The following IL34 variants were observed in gnomAD, a reference collection of about 807,000 sequenced individuals.
IL34 encodes the protein interleukin 34, also known as interleukin-34.
Under a neutral mutation model 25.3 loss-of-function variants are expected in IL34, and 17 were observed. The observed-to-expected ratio is 0.67, with a 90% CI of 0.46 to 1.01. The LOEUF is 1.01. Among genes scored for constraint, IL34 ranks in the 50% least tolerant of loss-of-function variants. The pLI, the probability that IL34 is intolerant of heterozygous loss-of-function variation, is 0.00. For synonymous variants in IL34, 174 were observed against 140.9 expected, an observed-to-expected ratio of 1.23 and a Z score of -1.66; for missense variants, 368 against 312.9, an observed-to-expected ratio of 1.18 and a Z score of -1.33.
chr16:70,591,673 T>C (rs3852698), intron 1 of IL34, among the ~76,000 whole-genome samples: 4,822 of 152,126 alleles, frequency 0.032, 293 homozygotes, highest in African/African-American at 0.11. Context: ...AGCTGTCATT[T>C]ACCTCTGTGC....
At chr16:70,604,422 T>A (rs1004482324) in intron 1 of IL34, among the ~76,000 whole-genome samples, 10 of 152,154 alleles carry the variant, frequency 6.6e-5, no homozygotes, top group African/African-American at 2.4e-4. Flanking sequence ...AAGTGAGGCC[T>A]GGAGTAAGGA....
intron 1 of IL34, among the ~76,000 whole-genome samples, chr16:70,621,835 G>GT: frequency 6.6e-6 from 1 of 151,930 alleles, no homozygotes; most frequent in Non-Finnish European, 1.5e-5. Context: ...CAGTGGGGGT[G>GT]TTTTTGAGCC....
upstream of IL34, among the ~76,000 whole-genome samples, chr16:70,646,277 A>G (rs1375657774): frequency 6.6e-6 from 1 of 152,062 alleles, no homozygotes; most frequent in Non-Finnish European, 1.5e-5. Flanking sequence ...CATGGACTCT[A>G]CCATGGCTCT....
At chr16:70,655,977 G>C (rs78409939) in intron 2 of IL34, among the ~76,000 whole-genome samples, 3,778 of 152,260 alleles carry the variant, frequency 0.025, 153 homozygotes, top group African/African-American at 0.087. Context: ...AGAGTTTTTA[G>C]TTCACAGAGT....
intron 1 of IL34, among the ~76,000 whole-genome samples, chr16:70,636,790 CAAAA>C (rs1415517886): frequency 6.6e-6 from 1 of 150,424 alleles, no homozygotes. Flanking sequence ...CAAAACAAAA[CAAAA>C]AACAAAACAA....
intron 1 of IL34, among the ~76,000 whole-genome samples, chr16:70,597,015 C>A (rs945909756): frequency 6.6e-6 from 1 of 152,164 alleles, no homozygotes; most frequent in African/African-American, 2.4e-5. Context: ...CCGTCCCCAG[C>A]TCAACCTGTT....
chr16:70,620,315 A>C (rs2151836386), intron 1 of IL34, among the ~76,000 whole-genome samples: 1 of 152,278 alleles, frequency 6.6e-6, no homozygotes. Context: ...TTTGGGATAA[A>C]GAAAAAGGAG....
chr16:70,639,177 G>T (rs1336731118), intron 1 of IL34, among the ~76,000 whole-genome samples: 1 of 152,186 alleles, frequency 6.6e-6, no homozygotes, highest in Non-Finnish European at 1.5e-5. Flanking sequence ...CAGATAGGTG[G>T]CACCCACCAG....
chr16:70,596,069 T>G (rs531234267), intron 1 of IL34, among the ~76,000 whole-genome samples: 9 of 151,178 alleles, frequency 6.0e-5, no homozygotes, highest in Non-Finnish European at 8.8e-5. Flanking sequence ...CAGAAGTGTA[T>G]TGTTCTAGAG....
In IL34 at chr16:70,603,779, A is replaced by C. The variant is rs577616616; in HGVS notation, c.-401+23730A>C. ...ATTTTTTCTGTAGAGACGGGTTCTCATCATGTTGCCCAGGCTGGTCTTGAA... is the reference window on the plus strand; with the variant it reads ...ATTTTTTCTGTAGAGACGGGTTCTCCTCATGTTGCCCAGGCTGGTCTTGAA... On this transcript the variant is annotated intron_variant, in intron 1 of 6. Transcript: ENST00000429149. Among the ~76,000 whole-genome samples the C allele has an allele frequency of 2.0e-5, 3 of 151,398 alleles. No individual in the cohort carries two copies. In the East Asian group the frequency reaches 5.9e-4, roughly 30 times the overall value.
In IL34 at chr16:70,649,479, C is replaced by T. The variant is rs538885108; in HGVS notation, c.28+2504C>T. ...GTCTTTTGGAATGCTGCTTCTGCCCCGTCCACCCCTGTTTTCACTAGTCCT... is the reference window on the plus strand; with the variant it reads ...GTCTTTTGGAATGCTGCTTCTGCCCTGTCCACCCCTGTTTTCACTAGTCCT... On this transcript the variant is annotated intron_variant, in intron 1 of 5. Transcript: ENST00000288098. Among the ~76,000 whole-genome samples, 38 of 152,290 alleles carry T rather than the reference C, an allele frequency of 2.5e-4. 1 individual carries two copies. The highest frequency in any genetic ancestry group is 3.9e-4 in the East Asian group (2 of 5,164).
chr16:70,650,383 G>T (rs1038514980), intron 1 of IL34, among the ~76,000 whole-genome samples: 2 of 152,202 alleles, frequency 1.3e-5, no homozygotes, highest in African/African-American at 2.4e-5. Flanking sequence ...TGTGGACAGG[G>T]TTTCCAGGGC....
chr16:70,646,551 C>G (rs1454694150), upstream of IL34: 8 of 233,278 alleles, frequency 3.4e-5, no homozygotes, highest in Admixed American at 2.3e-4. Context: ...TTCCTAGAGC[C>G]AGATTTCACA....
intron 1 of IL34, among the ~76,000 whole-genome samples, chr16:70,601,051 A>G (rs2050908647): frequency 6.6e-6 from 1 of 151,788 alleles, no homozygotes; most frequent in Non-Finnish European, 1.5e-5. Context: ...GAAGTAGGGG[A>G]TGCTGGGAGA....
intron 1 of IL34, among the ~76,000 whole-genome samples, chr16:70,616,650 G>T (rs1414685739): frequency 3.3e-5 from 5 of 152,162 alleles, no homozygotes; most frequent in Non-Finnish European, 7.3e-5. Flanking sequence ...GTGAAGTTAA[G>T]AGCAATGTTT....
rs1389180933 is a variant in IL34, at chr16:70,592,317, GTTC to G, written c.-401+12273_-401+12275del. ...GGTGCCTCCTGTTCTACTCGCCCTC[GTTC>G]TTCTCCCCAGTGCACCCCACCCTGA... On this transcript the variant is annotated intron_variant, in intron 1 of 6. Transcript: ENST00000429149. Among the ~76,000 whole-genome samples, 27 of 152,132 alleles carry G rather than the reference GTTC, an allele frequency of 1.8e-4. 1 individual carries two copies. The highest frequency in any genetic ancestry group is 4.2e-4 in the South Asian group (2 of 4,808).
intron 1 of IL34, among the ~76,000 whole-genome samples, chr16:70,624,238 CGT>C (rs2051342396): frequency 6.6e-6 from 1 of 151,796 alleles, no homozygotes; most frequent in Non-Finnish European, 1.5e-5. Flanking sequence ...ATTTCCGGCA[CGT>C]GTAGCAAGCT....
Position 70,660,065 on chromosome 16 carries a change from C to G in IL34, c.607C>G (p.Pro203Ala). 1 of 1,613,686 alleles carries G rather than the reference C, an allele frequency of 6.2e-7. No homozygotes were observed. Among genetic ancestry groups the G allele is most frequent in the Non-Finnish European group, 8.5e-7 (1 of 1,179,838 alleles). The stretch of plus-strand genomic sequence containing the variant: ...AAGTCCTCAGTCTTGCAGCCCAGAG[C>G]CCTCATTGCAGTATGCGGCCACCCA... ...VPSPQSCSPE[P>A]SLQYAATQLY... Residue 203 changes from proline (P) to alanine (A), a missense_variant, in exon 6 of 6, where the codon CCC becomes GCC. Pro to Ala is a conservative substitution (Grantham distance 27). Coordinates refer to ENST00000288098, the MANE Select transcript of IL34 (RefSeq NM_001393494.1).
chr16:70,617,865 G>T (rs1185856464), intron 1 of IL34, among the ~76,000 whole-genome samples: 1 of 149,690 alleles, frequency 6.7e-6, no homozygotes, highest in Non-Finnish European at 1.5e-5. Context: ...TCTGACAGAA[G>T]GGAAGAAATG....
Sources: allele counts gnomAD v4.1 joint callset (sites outside exome capture counted in the v4.1 genomes callset), GRCh38; gene constraint gnomAD v4.1.1; transcripts MANE v1.5; gene names NCBI Gene and HGNC (gene_info 2026-07-23, HGNC 2026-07-21).